LHFPL6: variants seen among roughly 807,000 people sequenced by gnomAD.
LHFPL6 encodes the protein LHFPL tetraspan subfamily member 6, also known as LHFPL tetraspan subfamily member 6 protein.
LHFPL6 carries 9 observed loss-of-function variants against 20.6 expected under a neutral mutation model. The ratio of observed to expected loss-of-function variants is 0.44; its 90% CI spans 0.26 to 0.76. The LOEUF is 0.76. LHFPL6 is among the 30% of genes least tolerant of loss of function. LHFPL6 has a pLI of 0.20. For synonymous variants in LHFPL6, 105 were observed against 98.7 expected (o/e 1.06, Z -0.38); for missense variants, 218 against 253.5 (o/e 0.86, Z 0.95).
Position 39,343,603 on chromosome 13 carries a change from T to TTGTGTGTGTGTGTGTG in LHFPL6, c.*317_*332dup, listed in dbSNP as rs67172252. The TTGTGTGTGTGTGTGTG allele has an allele frequency of 6.2e-5, 12 of 195,108 alleles. No individual in the cohort carries two copies. The highest frequency in any genetic ancestry group is 2.3e-4 in the East Asian group (3 of 13,260). 12.1% of individuals were successfully genotyped at this position (195,108 alleles called of 1,614,324 possible). ...ACCCTTGTTTGTATATGTAGATTTGTTGTGTGTGTGTGTGTGTGTGTGTGT... is the reference window on the plus strand; with the variant it reads ...ACCCTTGTTTGTATATGTAGATTTGTTGTGTGTGTGTGTGTGTGTGTGTGTGTGTGTGTGTGTGTGT... On this transcript the variant is annotated 3_prime_UTR_variant, in exon 4 of 4. Transcript: ENST00000379589.
Position 39,555,891 on chromosome 13 carries a change from G to A in LHFPL6, c.385+44941C>T, listed in dbSNP as rs2324339. 1.4e-3 allele frequency among the ~76,000 whole-genome samples: 212 copies of A among 152,264 alleles called. 3 individuals carry two copies. In the East Asian group the frequency reaches 0.034, roughly 24 times the overall value. ...TAGTGGGAAGTACTGGATCATGGGG[G>A]CAGGTCTCTCATGAATGGCTTAGTA... On this transcript the variant is annotated intron_variant, in intron 2 of 3. Transcript: ENST00000379589.
At chr13:39,477,083 C>G (rs1375955600) in intron 2 of LHFPL6, among the ~76,000 whole-genome samples, 2 of 152,166 alleles carry the variant, frequency 1.3e-5, no homozygotes, top group African/African-American at 4.8e-5. Flanking sequence ...TCTGTGATTT[C>G]TGAACCTGGT....
intron 2 of LHFPL6, among the ~76,000 whole-genome samples, chr13:39,563,709 C>A (rs1871620438): frequency 6.6e-6 from 1 of 152,058 alleles, no homozygotes; most frequent in African/African-American, 2.4e-5. Flanking sequence ...GAGGTTTTTG[C>A]TCCTCATCAG....
chr13:39,475,510 A>G (rs1208372062), intron 2 of LHFPL6, among the ~76,000 whole-genome samples: 1 of 152,128 alleles, frequency 6.6e-6, no homozygotes, highest in African/African-American at 2.4e-5. Context: ...CACTAATGTC[A>G]GAATACAATG....
At chr13:39,563,277 T>G (rs759903680) in intron 2 of LHFPL6, among the ~76,000 whole-genome samples, 1 of 152,180 alleles carries the variant, frequency 6.6e-6, no homozygotes, top group Non-Finnish European at 1.5e-5. Flanking sequence ...CTTTAAATTA[T>G]ATAGATCATA....
At chr13:39,463,445 T>A (rs146932805) in intron 2 of LHFPL6, among the ~76,000 whole-genome samples, 1 of 152,238 alleles carries the variant, frequency 6.6e-6, no homozygotes, top group African/African-American at 2.4e-5. Flanking sequence ...AAGAATAATA[T>A]TGATTATAAA....
At chr13:39,522,467 C>T (rs1870140466) in intron 2 of LHFPL6, among the ~76,000 whole-genome samples, 1 of 152,208 alleles carries the variant, frequency 6.6e-6, no homozygotes, top group South Asian at 2.1e-4. Flanking sequence ...CTCTCCAAAG[C>T]ATCCATGCTG....
At chr13:39,373,148 G>A (rs1409174250) in intron 3 of LHFPL6, among the ~76,000 whole-genome samples, 3 of 152,204 alleles carry the variant, frequency 2.0e-5, no homozygotes, top group East Asian at 3.9e-4. Flanking sequence ...TTTCATTTGC[G>A]AGAGTAAACA....
intron 2 of LHFPL6, among the ~76,000 whole-genome samples, chr13:39,555,295 A>C (rs1871271093): frequency 6.6e-6 from 1 of 151,782 alleles, no homozygotes. Flanking sequence ...GAATACAGTA[A>C]AACTTTGAAA....
At chr13:39,444,005 T>C (rs1288513292) in intron 2 of LHFPL6, among the ~76,000 whole-genome samples, 1 of 152,090 alleles carries the variant, frequency 6.6e-6, no homozygotes, top group Non-Finnish European at 1.5e-5. Context: ...TACAATGGGT[T>C]TATCAAGATG....
At chr13:39,595,380 C>G (rs1023037340) in intron 2 of LHFPL6, among the ~76,000 whole-genome samples, 14 of 152,146 alleles carry the variant, frequency 9.2e-5, no homozygotes, top group African/African-American at 4.8e-5. Flanking sequence ...GCAATCTCAG[C>G]CTCCTGGGTT....
chr13:39,542,991 T>C (rs947587740), intron 2 of LHFPL6, among the ~76,000 whole-genome samples: 3 of 152,222 alleles, frequency 2.0e-5, no homozygotes, highest in African/African-American at 7.2e-5. Flanking sequence ...ATGGAAACTC[T>C]GTACCAGTTA....
At chr13:39,507,068 G>A (rs1869510685) in intron 2 of LHFPL6, among the ~76,000 whole-genome samples, 1 of 152,136 alleles carries the variant, frequency 6.6e-6, no homozygotes. Flanking sequence ...AGCAATAGTT[G>A]GCCACCTTTT....
At chr13:39,460,952 C>A (rs768810438) in intron 2 of LHFPL6, among the ~76,000 whole-genome samples, 10 of 152,052 alleles carry the variant, frequency 6.6e-5, no homozygotes, top group Admixed American at 2.6e-4. Context: ...AAGCATAATA[C>A]CTGATAGGTA....
chr13:39,595,441 C>T (rs538962526), intron 2 of LHFPL6, among the ~76,000 whole-genome samples: 4 of 152,306 alleles, frequency 2.6e-5, no homozygotes, highest in South Asian at 2.1e-4. Flanking sequence ...TACAGGCACA[C>T]GCCACCACAT....
intron 2 of LHFPL6, among the ~76,000 whole-genome samples, chr13:39,431,715 TGTG>T (rs1386054117): frequency 0.034 from 2,711 of 79,492 alleles, 141 homozygotes; most frequent in African/African-American, 0.11. Context: ...CTGTAGAATT[TGTG>T]GGGGGGGGGG....
chr13:39,595,029 A>C (rs1019017757), intron 2 of LHFPL6, among the ~76,000 whole-genome samples: 52 of 152,160 alleles, frequency 3.4e-4, no homozygotes, highest in Admixed American at 3.4e-3. Context: ...ATGACGAGTT[A>C]ATGGGTGCAG....
chr13:39,504,353 C>T (rs1006648335), intron 2 of LHFPL6, among the ~76,000 whole-genome samples: 1 of 152,158 alleles, frequency 6.6e-6, no homozygotes, highest in Non-Finnish European at 1.5e-5. Flanking sequence ...TAAATCTTTT[C>T]TTTAATCTTA....
At chr13:39,593,102 G>C (rs1440211707) in intron 2 of LHFPL6, among the ~76,000 whole-genome samples, 3 of 152,130 alleles carry the variant, frequency 2.0e-5, no homozygotes, top group Non-Finnish European at 4.4e-5. Context: ...AATCAACATA[G>C]TGTTGGAAGT....
Sources: allele counts gnomAD v4.1 joint callset (sites outside exome capture counted in the v4.1 genomes callset), GRCh38; gene constraint gnomAD v4.1.1; transcripts MANE v1.5; gene names NCBI Gene and HGNC (gene_info 2026-07-23, HGNC 2026-07-21).